Variants in HMCN1 observed in about 807,000 individuals in gnomAD.
The protein encoded by HMCN1 is hemicentin-1.
A neutral mutation model predicts 625.9 loss-of-function variants in HMCN1; 321 were observed. That is an observed-to-expected ratio of 0.51 (90% CI 0.47 to 0.56). The LOEUF (loss-of-function observed/expected upper bound fraction) is 0.56. Among genes scored for constraint, HMCN1 ranks in the 20% least tolerant of loss-of-function variants. The pLI, the probability that HMCN1 is intolerant of heterozygous loss-of-function variation, is 0.00. For missense variants in HMCN1, 6,588 were observed against 6,887.3 expected (o/e 0.96, Z 1.54); for synonymous variants, 2,425 against 2,417.6 (o/e 1.00, Z -0.09).
chr1:186,086,769 G>C (rs1322606176), intron 58 of HMCN1, among the ~76,000 whole-genome samples: 3 of 150,144 alleles, frequency 2.0e-5, no homozygotes, highest in Non-Finnish European at 4.4e-5. Flanking sequence ...TAGATAGATA[G>C]ATAGGTAGAT....
At chr1:185,907,892 A>G (rs1666185072) in intron 4 of HMCN1, among the ~76,000 whole-genome samples, 1 of 151,726 alleles carries the variant, frequency 6.6e-6, no homozygotes, top group Non-Finnish European at 1.5e-5. Context: ...TATTAAGAAC[A>G]TCAGTATTAT....
chr1:186,073,783 A>C (rs1354245559), intron 52 of HMCN1, among the ~76,000 whole-genome samples: 2 of 151,632 alleles, frequency 1.3e-5, no homozygotes, highest in Admixed American at 6.6e-5. Context: ...TGGGGCTCCC[A>C]TGGGATGAAA....
chr1:185,794,308 A>G (rs1197681966), intron 1 of HMCN1, among the ~76,000 whole-genome samples: 1 of 151,782 alleles, frequency 6.6e-6, no homozygotes, highest in African/African-American at 2.4e-5. Flanking sequence ...TGTATTTGTC[A>G]GGGTTCTCTA....
chr1:185,889,951 T>C (rs918843811), intron 4 of HMCN1, among the ~76,000 whole-genome samples: 2 of 149,194 alleles, frequency 1.3e-5, no homozygotes, highest in African/African-American at 5.2e-5. Flanking sequence ...TGACACTTTT[T>C]GGTTGGTAAG....
At chr1:185,976,195 A>G (rs1006760013) in intron 15 of HMCN1, among the ~76,000 whole-genome samples, 1 of 152,106 alleles carries the variant, frequency 6.6e-6, no homozygotes, top group Non-Finnish European at 1.5e-5. Context: ...ATCATAGAGG[A>G]GGGGCCTTTT....
chr1:186,171,566 G>A lies in HMCN1; in HGVS notation c.15688+116G>A, dbSNP rs868248084. The A allele has an allele frequency of 8.9e-5, 75 of 838,972 alleles. No homozygotes were observed. In the Middle Eastern group the frequency reaches 5.4e-3, roughly 61 times the overall value. The allele number at this position is 838,972 out of a possible 1,614,324, so 52.0% of individuals were successfully genotyped here. A position where few individuals can be genotyped will look rare whatever the true frequency, so the allele number is the denominator to read the frequency against. On this transcript the variant is annotated intron_variant, in intron 101 of 106. Coordinates refer to ENST00000271588, the MANE Select transcript of HMCN1 (RefSeq NM_031935.3). ...GGTTCCTATATAGGACATCAAGCAT[G>A]CAGCATGTATGCAATCCATGCAAAA... is the stretch of plus-strand genomic sequence containing the variant.
intron 100 of HMCN1, among the ~76,000 whole-genome samples, chr1:186,168,282 A>T (rs1652003163): frequency 6.6e-6 from 1 of 151,480 alleles, no homozygotes; most frequent in South Asian, 2.1e-4. Context: ...CACTAAGAAA[A>T]ATCTTTTAAA....
rs1657857299 is a variant in HMCN1 at position 186,063,100 on chromosome 1, A to ATC, written c.7513+501_7513+502insCT. 2.3e-5 allele frequency among the ~76,000 whole-genome samples: 3 copies of ATC among 127,796 alleles called. No homozygotes were observed. The South Asian group carries it at 7.3e-4, about 31-fold the overall frequency. The allele number at this position is 127,796 out of a possible 152,430, so 83.8% of individuals were successfully genotyped here. A position where few individuals can be genotyped will look rare whatever the true frequency, so the allele number is the denominator to read the frequency against. On this transcript the variant is annotated intron_variant, in intron 48 of 106. Coordinates refer to ENST00000271588, the MANE Select transcript of HMCN1 (RefSeq NM_031935.3). The stretch of plus-strand genomic sequence containing the variant: ...TATATATATATATATATATATATAT[A>ATC]TATCACATTTTCATTACCCAACCTC...
At chr1:185,908,402 TACAAA>T (rs1436785109) in intron 4 of HMCN1, among the ~76,000 whole-genome samples, 1 of 152,008 alleles carries the variant, frequency 6.6e-6, no homozygotes, top group Non-Finnish European at 1.5e-5. Context: ...TATGCCTCAT[TACAAA>T]AGAAAATTTT....
At chr1:185,934,273 A>G (rs905407570) in intron 11 of HMCN1, among the ~76,000 whole-genome samples, 43 of 152,312 alleles carry the variant, frequency 2.8e-4, no homozygotes, top group Non-Finnish European at 5.1e-4. Flanking sequence ...CCTTTAAAAT[A>G]AAGGTTTAAG....
chr1:186,116,895 T>C (rs911904089), intron 75 of HMCN1, 99 bp from the exon 76 acceptor site: 2 of 1,333,616 alleles, frequency 1.5e-6, no homozygotes, highest in East Asian at 4.7e-5. Context: ...GGAAGAGTAC[T>C]GTTTTCATCA....
chr1:186,167,067 G>A (rs1048485966), intron 100 of HMCN1, 125 bp downstream of exon 100: 5 of 1,212,398 alleles, frequency 4.1e-6, no homozygotes, highest in African/African-American at 1.5e-5. Context: ...GGGAGAGAAT[G>A]AGGAGATATC....
intron 1 of HMCN1, among the ~76,000 whole-genome samples, chr1:185,786,418 A>G (rs1258702402): frequency 2.6e-5 from 4 of 152,140 alleles, no homozygotes; most frequent in African/African-American, 9.7e-5. Flanking sequence ...CCAATAAGAA[A>G]CCTGATTTTG....
chr1:185,942,926 T>G (rs1232865335), intron 11 of HMCN1, among the ~76,000 whole-genome samples: 1 of 152,170 alleles, frequency 6.6e-6, no homozygotes, highest in Non-Finnish European at 1.5e-5. Context: ...TTACTTTTTT[T>G]TTTTAATAAT....
chr1:186,090,681 T>C, intron 63 of HMCN1, 77 bp from the exon 64 acceptor site: 1 of 1,511,394 alleles, frequency 6.6e-7, no homozygotes, highest in Non-Finnish European at 9.2e-7. Flanking sequence ...AGAAATGTCA[T>C]ATTGTTTTAT....
At chr1:185,838,541 T>C (rs115871197) in intron 1 of HMCN1, among the ~76,000 whole-genome samples, 2,633 of 152,154 alleles carry the variant, frequency 0.017, 84 homozygotes, top group African/African-American at 0.058. Context: ...CCTGGGCATC[T>C]AGGAGTGGGA....
rs369293880 is a variant in HMCN1, at chr1:186,114,819, A to G, written c.11277A>G (p.Arg3759=). ...DGAVLAGNHA[R]YSILENGFLH... ...ACTTCACTTGTGATTTCTCTTGTAG[A>G]TATTCCATCTTGGAAAATGGATTCC... Residue 3759 remains arginine, a splice_region_variant and synonymous_variant, in exon 74 of 107, where the codon AGA becomes AGG. Transcript: ENST00000271588. The G allele has an allele frequency of 4.2e-5, 67 of 1,614,042 alleles. No homozygotes were observed. Among genetic ancestry groups the G allele is most frequent in the Non-Finnish European group, 5.0e-5 (59 of 1,179,992 alleles).
intron 105 of HMCN1, 95 bp downstream of exon 105, chr1:186,182,382 C>T (rs1652992300): frequency 7.1e-7 from 1 of 1,412,270 alleles, no homozygotes; most frequent in Non-Finnish European, 9.9e-7. Flanking sequence ...CTCCTAGTGG[C>T]TTCCCCTTCT....
intron 1 of HMCN1, among the ~76,000 whole-genome samples, chr1:185,746,224 C>T (rs2102080324): frequency 6.6e-6 from 1 of 152,200 alleles, no homozygotes; most frequent in Admixed American, 6.5e-5. Context: ...AGAGCATAGG[C>T]CCCGGAGTCT....
Sources: gnomAD v4.1 joint callset for allele counts (sites outside exome capture counted in the v4.1 genomes callset) on GRCh38, gnomAD v4.1.1 for gene constraint, MANE v1.5 for transcripts, NCBI Gene and HGNC (gene_info 2026-07-23, HGNC 2026-07-21) for gene names.